EVL: variants seen among roughly 807,000 people sequenced by gnomAD.
The protein encoded by EVL is Enah/Vasp-like, also known as ena/VASP-like protein.
A neutral mutation model predicts 59.6 loss-of-function variants in EVL; 21 were observed. The observed-to-expected ratio is 0.35, with a 90% CI of 0.25 to 0.51. EVL has a LOEUF of 0.51. Ranked by LOEUF, EVL falls within the 20% of genes least tolerant of loss-of-function variation. The pLI is 0.97. For missense variants in EVL, 462 were observed against 546.6 expected (o/e 0.85, Z 1.54); for synonymous variants, 198 against 203.5 (o/e 0.97, Z 0.23).
chr14:100,020,653 A>G lies in EVL; in HGVS notation c.5+48596A>G, dbSNP rs1300277551. ...TCCTCCAAATGTTGCTGCGGTAGAC[A>G]TTAAAACAATAAGAGAATAACCACC... On this transcript the variant is annotated intron_variant, in intron 1 of 13. Transcript: ENST00000402714. Among the ~76,000 whole-genome samples the G allele has an allele frequency of 2.0e-5, 3 of 152,286 alleles. 1 individual carries two copies. Among genetic ancestry groups the G allele is most frequent in the South Asian group, 4.2e-4 (2 of 4,816 alleles).
At chr14:100,022,250 G>A (rs1429462657) in intron 1 of EVL, among the ~76,000 whole-genome samples, 1 of 151,016 alleles carries the variant, frequency 6.6e-6, no homozygotes, top group Non-Finnish European at 1.5e-5. Flanking sequence ...AGCCCTGAGA[G>A]CAGAAGGAAG....
chr14:100,074,831 C>T (rs537656216), intron 1 of EVL: 35 of 152,812 alleles, frequency 2.3e-4, no homozygotes, highest in African/African-American at 8.0e-4. Flanking sequence ...ACACAGGAGG[C>T]GAGGAGGGCA....
intron 1 of EVL, among the ~76,000 whole-genome samples, chr14:100,004,585 AC>A (rs1440924241): frequency 1.3e-5 from 2 of 151,998 alleles, no homozygotes; most frequent in African/African-American, 4.8e-5. Context: ...TCTTATTGTG[AC>A]TTACATACAC....
intron 1 of EVL, among the ~76,000 whole-genome samples, chr14:100,004,509 C>T (rs760768478): frequency 3.3e-5 from 5 of 151,842 alleles, no homozygotes; most frequent in Non-Finnish European, 7.4e-5. Flanking sequence ...AACTCAGTCT[C>T]TAGAAAGACC....
At chr14:100,034,234 CAAAAAAAAAAA>C (rs548491187) in intron 1 of EVL, among the ~76,000 whole-genome samples, 7 of 90,936 alleles carry the variant, frequency 7.7e-5, no homozygotes, top group Admixed American at 2.6e-4. Flanking sequence ...GAATCTGTCT[CAAAAAAAAAAA>C]AAAAAGAAAA....
intron 1 of EVL, among the ~76,000 whole-genome samples, chr14:100,035,658 C>T (rs1051118410): frequency 6.6e-6 from 1 of 152,174 alleles, no homozygotes; most frequent in Admixed American, 6.5e-5. Context: ...ATAGGTAAGA[C>T]ATTGCACAAA....
chr14:99,983,988 C>T (rs567689857), intron 1 of EVL, among the ~76,000 whole-genome samples: 31 of 152,056 alleles, frequency 2.0e-4, no homozygotes, highest in Non-Finnish European at 3.8e-4. Context: ...CTGCTAGAAC[C>T]CCAGAACCCC....
chr14:100,106,120 G>A (rs1403440431), intron 3 of EVL: 3 of 152,242 alleles, frequency 2.0e-5, no homozygotes, highest in African/African-American at 7.2e-5. Context: ...GCGATTTAGG[G>A]GACAGCGGGG....
intron 1 of EVL, among the ~76,000 whole-genome samples, chr14:100,044,250 A>G (rs914251232): frequency 2.6e-5 from 4 of 152,232 alleles, no homozygotes; most frequent in Non-Finnish European, 5.9e-5. Flanking sequence ...TGCGTAGCAT[A>G]GTTGTGAAAT....
intron 3 of EVL, among the ~76,000 whole-genome samples, chr14:100,118,482 A>G (rs1049389604): frequency 1.3e-5 from 2 of 152,234 alleles, no homozygotes; most frequent in African/African-American, 2.4e-5. Flanking sequence ...TGAAGGGCAC[A>G]TGGCAATTCT....
At chr14:100,085,972 A>C (rs8022918) in intron 2 of EVL, among the ~76,000 whole-genome samples, 40,786 of 151,984 alleles carry the variant, frequency 0.27, 7,892 homozygotes, top group African/African-American at 0.55. Flanking sequence ...CTAAAAAATA[A>C]AAAAAAATTA....
chr14:100,083,446 TAA>T (rs34098353), intron 1 of EVL, among the ~76,000 whole-genome samples: 1 of 145,462 alleles, frequency 6.9e-6, no homozygotes, highest in African/African-American at 2.5e-5. Flanking sequence ...ATTCCCTCTT[TAA>T]AAAAAAAAAA....
chr14:100,119,246 C>T (rs1424511668), intron 3 of EVL, among the ~76,000 whole-genome samples: 1 of 152,220 alleles, frequency 6.6e-6, no homozygotes, highest in African/African-American at 2.4e-5. Context: ...TGTTTCCTAT[C>T]TCATCCTCTT....
rs1887238091 is a variant in EVL at position 100,114,943 on chromosome 14, A to AC, written c.359-8595dup. Among the ~76,000 whole-genome samples the AC allele has an allele frequency of 6.6e-6, 1 of 151,910 alleles. No individual in the cohort carries two copies. Among genetic ancestry groups the AC allele is most frequent in the Non-Finnish European group, 1.5e-5 (1 of 67,958 alleles). On this transcript the variant is annotated intron_variant, in intron 3 of 13. Coordinates refer to ENST00000392920, the MANE Select transcript of EVL (RefSeq NM_016337.3). The surrounding 1 kb of genome is among the most constrained non-coding windows in gnomAD (Gnocchi z 5.0). ...AGCTTCTGTTCCAGCAGCACCGTTC[A>AC]CTGGAGGCACATGACCTCGGGTAGC...
chr14:100,006,883 T>C (rs1368284256), intron 1 of EVL, among the ~76,000 whole-genome samples: 1 of 151,292 alleles, frequency 6.6e-6, no homozygotes, highest in Non-Finnish European at 1.5e-5. Flanking sequence ...AAATCAGAGA[T>C]TCTCTGGAGG....
At chr14:99,982,217 A>G (rs80298296) in intron 1 of EVL, among the ~76,000 whole-genome samples, 3,279 of 152,326 alleles carry the variant, frequency 0.022, 129 homozygotes, top group African/African-American at 0.075. Context: ...AGTGTACTGT[A>G]TATTTGTATT....
At chr14:99,980,000 T>C (rs1213844162) in intron 1 of EVL, among the ~76,000 whole-genome samples, 7 of 152,230 alleles carry the variant, frequency 4.6e-5, no homozygotes, top group Admixed American at 4.6e-4. Context: ...AGCATTTGCA[T>C]TGTATTAGGT....
At chr14:99,976,867 G>C (rs981872901) in intron 1 of EVL, among the ~76,000 whole-genome samples, 4 of 152,132 alleles carry the variant, frequency 2.6e-5, no homozygotes, top group Non-Finnish European at 5.9e-5. Context: ...AGGAAAATTA[G>C]CCTCAAACAC....
chr14:99,986,691 C>T (rs894625196), intron 1 of EVL, among the ~76,000 whole-genome samples: 3 of 152,190 alleles, frequency 2.0e-5, no homozygotes, highest in African/African-American at 7.2e-5. Flanking sequence ...ACACATGTAG[C>T]CTAGTTCCAA....
Sources: gnomAD v4.1 joint callset for allele counts (sites outside exome capture counted in the v4.1 genomes callset) on GRCh38, gnomAD v4.1.1 for gene constraint, Gnocchi (gnomAD v3.1) non-coding constraint, MANE v1.5 for transcripts, NCBI Gene and HGNC (gene_info 2026-07-23, HGNC 2026-07-21) for gene names.